The following TAOK3 variants were observed in gnomAD, a reference collection of about 807,000 sequenced individuals.
TAOK3 encodes the protein TAO kinase 3.
A neutral mutation model predicts 120.4 loss-of-function variants in TAOK3; 40 were observed. That is an observed-to-expected ratio of 0.33 (90% confidence interval 0.26 to 0.43). The LOEUF (loss-of-function observed/expected upper bound fraction) is 0.43, where lower values mean the gene tolerates loss of function less well. TAOK3 is among the 20% of genes least tolerant of loss of function. The probability of loss-of-function intolerance (pLI) is 1.00; values close to 1 mark genes in which losing one functional copy is unlikely to be tolerated. For synonymous variants in TAOK3, 355 were observed against 387.5 expected (o/e 0.92, Z 0.99); for missense variants, 821 against 1,112.1 (o/e 0.74, Z 3.72).
chr12:118,188,200 C>T (rs774954907), intron 14 of TAOK3, among the ~76,000 whole-genome samples: 1 of 152,202 alleles, frequency 6.6e-6, no homozygotes, highest in Non-Finnish European at 1.5e-5. Flanking sequence ...CATTTCCCCA[C>T]TCATTTCAAC....
At chr12:118,309,415 G>A (rs903940432) in intron 1 of TAOK3, among the ~76,000 whole-genome samples, 3 of 150,800 alleles carry the variant, frequency 2.0e-5, no homozygotes, top group Non-Finnish European at 4.4e-5. Flanking sequence ...ATGTACAAAT[G>A]AGTTACAGCT....
At chr12:118,172,733 G>A in intron 16 of TAOK3, 73 bp from the exon 17 acceptor site, 1 of 1,326,112 alleles carries the variant, frequency 7.5e-7, no homozygotes, top group Non-Finnish European at 1.1e-6. Context: ...TGCAACTGAA[G>A]ATTAAGTTAT....
chr12:118,177,466 G>T (rs1312397871), intron 15 of TAOK3, 137 bp from the exon 16 acceptor site: 16 of 531,956 alleles, frequency 3.0e-5, no homozygotes, highest in South Asian at 2.3e-4. Flanking sequence ...AAAAATAATT[G>T]TTTTTCTGAT....
intron 1 of TAOK3, among the ~76,000 whole-genome samples, chr12:118,336,919 C>T (rs929011769): frequency 2.0e-5 from 3 of 151,936 alleles, no homozygotes; most frequent in Non-Finnish European, 4.4e-5. Flanking sequence ...TAAAGATATA[C>T]AAATTAGCTG....
chr12:118,155,792 A>G (rs1379835898), intron 19 of TAOK3, among the ~76,000 whole-genome samples: 1 of 151,968 alleles, frequency 6.6e-6, no homozygotes, highest in African/African-American at 2.4e-5. Flanking sequence ...GCTGGAGTGC[A>G]GTGGTGTGAT....
At chr12:118,352,842 C>T (rs2045233801) in intron 1 of TAOK3, among the ~76,000 whole-genome samples, 1 of 152,102 alleles carries the variant, frequency 6.6e-6, no homozygotes, top group African/African-American at 2.4e-5. Flanking sequence ...TCCCAAGTAG[C>T]TGGGATTACA....
intron 1 of TAOK3, among the ~76,000 whole-genome samples, chr12:118,334,563 C>T (rs1385533500): frequency 6.6e-6 from 1 of 152,152 alleles, no homozygotes; most frequent in Non-Finnish European, 1.5e-5. Context: ...GATAACAATA[C>T]TGTATTGGAT....
chr12:118,217,834 T>C (rs1474514501), intron 9 of TAOK3, among the ~76,000 whole-genome samples: 9 of 103,550 alleles, frequency 8.7e-5, no homozygotes, highest in African/African-American at 3.2e-4. Flanking sequence ...TATATATATA[T>C]ATATATATAT....
At chr12:118,240,473 C>T (rs1454889003) in intron 5 of TAOK3, among the ~76,000 whole-genome samples, 1 of 151,978 alleles carries the variant, frequency 6.6e-6, no homozygotes, top group Non-Finnish European at 1.5e-5. Context: ...GCCACCGTGC[C>T]CGGCCTCTTT....
At chr12:118,267,226 T>A (rs1472777494) in intron 1 of TAOK3, among the ~76,000 whole-genome samples, 1 of 151,998 alleles carries the variant, frequency 6.6e-6, no homozygotes, top group Non-Finnish European at 1.5e-5. Flanking sequence ...TATTTATTTA[T>A]TTTTTTTGAG....
At chr12:118,304,673 T>C (rs765591563) in intron 1 of TAOK3, among the ~76,000 whole-genome samples, 10 of 152,256 alleles carry the variant, frequency 6.6e-5, no homozygotes, top group Non-Finnish European at 1.2e-4. Context: ...GAATGTTATA[T>C]GTGTACAACT....
intron 17 of TAOK3, among the ~76,000 whole-genome samples, chr12:118,169,401 C>T (rs1413153720): frequency 5.4e-5 from 8 of 147,412 alleles, no homozygotes; most frequent in Non-Finnish European, 1.0e-4. Context: ...ACTGCAAGCT[C>T]TGCCTCCTGG....
intron 9 of TAOK3, 107 bp from the exon 10 acceptor site, chr12:118,214,217 C>A: frequency 1.3e-6 from 1 of 792,694 alleles, no homozygotes; most frequent in South Asian, 1.6e-5. Context: ...TAGCTCATTA[C>A]TGTCATCATG....
chr12:118,284,620 G>T (rs1262371580), intron 1 of TAOK3, among the ~76,000 whole-genome samples: 1 of 152,152 alleles, frequency 6.6e-6, no homozygotes, highest in South Asian at 2.1e-4. Context: ...TACAGGTAGA[G>T]ATATAAAGAA....
intron 1 of TAOK3, among the ~76,000 whole-genome samples, chr12:118,337,576 TCAA>T (rs2044418130): frequency 6.6e-6 from 1 of 152,136 alleles, no homozygotes; most frequent in South Asian, 2.1e-4. Flanking sequence ...GGAAAATTAC[TCAA>T]CAACAAAAAG....
intron 19 of TAOK3, among the ~76,000 whole-genome samples, chr12:118,159,234 G>A (rs532228271): frequency 6.6e-6 from 1 of 152,078 alleles, no homozygotes; most frequent in East Asian, 1.9e-4. Flanking sequence ...CTCCCTCTAG[G>A]AAGATTTCCC....
intron 11 of TAOK3, among the ~76,000 whole-genome samples, chr12:118,207,858 T>TCACTCA (rs1555221794): frequency 2.1e-5 from 3 of 144,350 alleles, no homozygotes. Flanking sequence ...AGACTCTGTC[T>TCACTCA]CACACACACA....
chr12:118,339,493 T>C (rs1415811550), intron 1 of TAOK3, among the ~76,000 whole-genome samples: 2 of 152,072 alleles, frequency 1.3e-5, no homozygotes, highest in African/African-American at 2.4e-5. Flanking sequence ...GTTTATAACA[T>C]TGTTATCTTT....
rs551345235 is a variant in TAOK3, at chr12:118,285,455, T to G, written c.-193-18696A>C. Among the ~76,000 whole-genome samples, 33 of 149,512 alleles carry G rather than the reference T, an allele frequency of 2.2e-4. No individual in the cohort carries two copies. The South Asian group carries it at 7.0e-3, about 32-fold the overall frequency. ...GCAACCTCCACCTCCCGGGTTCAAGTGATTCTCCTGCCTCAGCCTCCCAAG... is the reference window on the plus strand; with the variant it reads ...GCAACCTCCACCTCCCGGGTTCAAGGGATTCTCCTGCCTCAGCCTCCCAAG... On this transcript the variant is annotated intron_variant, in intron 1 of 20. Transcript: ENST00000392533.
Sources: allele counts gnomAD v4.1 joint callset (sites outside exome capture counted in the v4.1 genomes callset), GRCh38; gene constraint gnomAD v4.1.1; transcripts MANE v1.5; gene names NCBI Gene and HGNC (gene_info 2026-07-23, HGNC 2026-07-21).